The following SLA variants were observed in gnomAD, a reference collection of about 807,000 sequenced individuals.
The protein encoded by SLA is Src like adaptor, also known as src-like-adapter.
SLA carries 16 observed loss-of-function variants against 30.3 expected under a neutral mutation model. That is an observed-to-expected ratio of 0.53 (90% CI 0.36 to 0.80). The LOEUF is 0.80. Among genes scored for constraint, SLA ranks in the 30% least tolerant of loss-of-function variants. The pLI is 0.01. For synonymous variants in SLA, 143 were observed against 137.8 expected, an observed-to-expected ratio of 1.04 and a Z score of -0.26; for missense variants, 310 against 345.2, an observed-to-expected ratio of 0.90 and a Z score of 0.81.
chr8:133,077,432 G>A (rs1171457814), intron 1 of SLA, among the ~76,000 whole-genome samples: 2 of 152,152 alleles, frequency 1.3e-5, no homozygotes, highest in African/African-American at 4.8e-5. Flanking sequence ...AACCTCCCCT[G>A]ACCCCCAGCC....
intron 2 of SLA, among the ~76,000 whole-genome samples, chr8:133,069,857 C>T (rs1156233579): frequency 6.6e-6 from 1 of 151,740 alleles, no homozygotes; most frequent in African/African-American, 2.4e-5. Flanking sequence ...CAAAAATCAG[C>T]TGGGCGTGGT....
intron 7 of SLA, among the ~76,000 whole-genome samples, chr8:133,041,035 A>G (rs1838123660): frequency 6.6e-6 from 1 of 152,210 alleles, no homozygotes. Flanking sequence ...AGCCCATGTT[A>G]TCATGAGAAA....
chr8:133,053,574 G>T (rs1432017791), intron 3 of SLA, among the ~76,000 whole-genome samples: 2 of 152,188 alleles, frequency 1.3e-5, no homozygotes. Flanking sequence ...GGCACAGTGT[G>T]TGTTCTCTGT....
At chr8:133,048,536 G>C (rs1040006755) in intron 5 of SLA, 1 of 154,846 alleles carries the variant, frequency 6.5e-6, no homozygotes, top group African/African-American at 2.4e-5. Flanking sequence ...CTTCCTATTT[G>C]ATATGTTAAG....
At chr8:133,070,337 C>T (rs952275743) in intron 2 of SLA, among the ~76,000 whole-genome samples, 80 of 147,854 alleles carry the variant, frequency 5.4e-4, no homozygotes, top group Non-Finnish European at 2.7e-4. Flanking sequence ...TCCCAACAAG[C>T]ATCTGTTTTT....
At chr8:133,078,191 A>C (rs998576815) in intron 1 of SLA, among the ~76,000 whole-genome samples, 15 of 152,120 alleles carry the variant, frequency 9.9e-5, no homozygotes, top group Admixed American at 7.9e-4. Context: ...CAAGAAGAGG[A>C]ACTGGTTTGT....
At chr8:133,081,843 C>T (rs1414346804) in intron 1 of SLA, among the ~76,000 whole-genome samples, 1 of 152,226 alleles carries the variant, frequency 6.6e-6, no homozygotes, top group Admixed American at 6.5e-5. Flanking sequence ...TGCTCACTTC[C>T]TGTAGCTGCA....
chr8:133,056,616 T>A (rs1437058112), intron 3 of SLA, among the ~76,000 whole-genome samples: 1 of 152,210 alleles, frequency 6.6e-6, no homozygotes, highest in Non-Finnish European at 1.5e-5. Context: ...TCATTTAAGC[T>A]TCTTGTACCT....
At chr8:133,052,741 T>C (rs917799033) in intron 3 of SLA, among the ~76,000 whole-genome samples, 1 of 152,114 alleles carries the variant, frequency 6.6e-6, no homozygotes, top group Non-Finnish European at 1.5e-5. Flanking sequence ...AAATACACAA[T>C]TGCAAATACA....
In SLA at chr8:133,038,265, C is replaced by T; in HGVS notation, c.*259G>A. The T allele has an allele frequency of 1.9e-6, 1 of 518,006 alleles. No homozygotes were observed. The highest frequency in any genetic ancestry group is 2.1e-5 in the South Asian group (1 of 48,034). The allele number at this position is 518,006 out of a possible 1,614,324, so 32.1% of individuals were successfully genotyped here. A position where few individuals can be genotyped will look rare whatever the true frequency, so the allele number is the denominator to read the frequency against. Reference sequence around the variant, plus strand: ...CACACAATGTGTGCATACATACATGCTGGGCTCTTCCAAGCATCGCCCGAC... The same window carrying T: ...CACACAATGTGTGCATACATACATGTTGGGCTCTTCCAAGCATCGCCCGAC... On this transcript the variant is annotated 3_prime_UTR_variant, in exon 9 of 9. Transcript: ENST00000338087.
chr8:133,065,695 G>A (rs1842937592), intron 2 of SLA, among the ~76,000 whole-genome samples: 1 of 152,150 alleles, frequency 6.6e-6, no homozygotes, highest in South Asian at 2.1e-4. Context: ...CCAGTGGGCG[G>A]AGGTGGCAGT....
At chr8:133,098,901 GT>G (rs1216871032) in intron 1 of SLA, among the ~76,000 whole-genome samples, 15 of 152,284 alleles carry the variant, frequency 9.9e-5, no homozygotes, top group African/African-American at 3.4e-4. Context: ...TTCAAGCACG[GT>G]CCCAGGAGTG....
At position 133,038,584 on chromosome 8, in the gene SLA, C is replaced by T; in HGVS notation, c.771G>A (p.Met257Ile). Residue 257 changes from methionine (M) to isoleucine (I), a missense_variant, in exon 9 of 9, where the codon ATG (methionine) becomes ATA (isoleucine). Coordinates refer to ENST00000338087, the MANE Select transcript of SLA (RefSeq NM_001045556.3). ...AGCTCTTTCTCTTGCTGCCACCATA[C>T]ATCAGGGAGATGCTTTTCTTCTTTC... ...FDRKKKSISL[M>I]YGGSKRKSSF... is the part of the protein sequence containing the mutation. 4 of 1,614,150 alleles carry T rather than the reference C, an allele frequency of 2.5e-6. No homozygotes were observed. Among genetic ancestry groups the T allele is most frequent in the South Asian group, 2.2e-5 (2 of 91,086 alleles).
chr8:133,085,315 C>T (rs1260125945), intron 1 of SLA, among the ~76,000 whole-genome samples: 1 of 152,140 alleles, frequency 6.6e-6, no homozygotes, highest in Non-Finnish European at 1.5e-5. Flanking sequence ...TTAGATAAGA[C>T]ACCAAACCTC....
chr8:133,053,064 T>C (rs535678482), intron 3 of SLA, among the ~76,000 whole-genome samples: 1 of 152,336 alleles, frequency 6.6e-6, no homozygotes, highest in East Asian at 1.9e-4. Context: ...GCACCCTGGT[T>C]CTCAGAGCCT....
At chr8:133,097,848 G>C (rs1025917913) in intron 1 of SLA, among the ~76,000 whole-genome samples, 6 of 152,206 alleles carry the variant, frequency 3.9e-5, no homozygotes, top group African/African-American at 1.4e-4. Flanking sequence ...GAAAGAAGCA[G>C]GGCTGGTGAG....
At chr8:133,071,355 A>G (rs2741210) in intron 2 of SLA, among the ~76,000 whole-genome samples, 122,183 of 152,132 alleles carry the variant, frequency 0.8, 49,180 homozygotes, top group Admixed American at 0.84. Flanking sequence ...GAATCCAGGC[A>G]TCTGGCTCTA....
At chr8:133,097,605 C>T (rs1848615565) in intron 1 of SLA, among the ~76,000 whole-genome samples, 1 of 152,060 alleles carries the variant, frequency 6.6e-6, no homozygotes, top group African/African-American at 2.4e-5. Context: ...TTTTAAAAAC[C>T]AACCTGTATA....
chr8:133,062,084 C>T (rs745707940), intron 2 of SLA, among the ~76,000 whole-genome samples: 9 of 152,320 alleles, frequency 5.9e-5, no homozygotes, highest in East Asian at 3.9e-4. Context: ...TTGGCTAGAA[C>T]GGGCAGCATG....
Sources: allele counts gnomAD v4.1 joint callset (sites outside exome capture counted in the v4.1 genomes callset), GRCh38; gene constraint gnomAD v4.1.1; transcripts MANE v1.5; gene names NCBI Gene and HGNC (gene_info 2026-07-23, HGNC 2026-07-21).